The following ITGAM variants were observed in gnomAD, a reference collection of about 807,000 sequenced individuals.
ITGAM encodes the protein integrin alpha-M.
A neutral mutation model predicts 137.5 loss-of-function variants in ITGAM; 79 were observed. That is an observed-to-expected ratio of 0.57 (90% CI 0.48 to 0.69). The LOEUF is 0.69. Ranked by LOEUF, ITGAM falls within the 30% of genes least tolerant of loss-of-function variation. The pLI is 0.00. For synonymous variants in ITGAM, 583 were observed against 592.3 expected (o/e 0.98, Z 0.23); for missense variants, 1,343 against 1,483.5 (o/e 0.91, Z 1.56).
At chr16:31,294,312 T>C (rs570783181) in intron 12 of ITGAM, among the ~76,000 whole-genome samples, 6 of 152,288 alleles carry the variant, frequency 3.9e-5, no homozygotes, top group African/African-American at 1.4e-4. Flanking sequence ...ATCCTTGTTT[T>C]GTGCTGGCTT....
chr16:31,328,589 A>ATG (rs201844815), intron 23 of ITGAM, among the ~76,000 whole-genome samples: 1,931 of 133,068 alleles, frequency 0.015, 40 homozygotes, highest in African/African-American at 0.052. Context: ...GTATTTGTGC[A>ATG]TGTGTGTGTG....
At chr16:31,326,009 T>C (rs1597039712) in intron 21 of ITGAM, among the ~76,000 whole-genome samples, 1 of 151,996 alleles carries the variant, frequency 6.6e-6, no homozygotes, top group East Asian at 1.9e-4. Context: ...GAGGCTGCAG[T>C]GAGCTATGAT....
chr16:31,267,435 C>T lies in ITGAM; in HGVS notation c.427+1288C>T, dbSNP rs140007953. 3.5e-3 allele frequency among the ~76,000 whole-genome samples: 527 copies of T among 152,146 alleles called. 1 individual carries two copies. The highest frequency in any genetic ancestry group is 0.012 in the African/African-American group (489 of 41,528). On this transcript the variant is annotated intron_variant, in intron 5 of 29. Coordinates refer to ENST00000544665, the MANE Select transcript of ITGAM (RefSeq NM_000632.4). ...CCTTCTCTTATTTTATCTTAATAAG[C>T]GGTTTTCCAGTCTTCACTGGAATTT...
At chr16:31,260,448 A>G (rs1271572099) in intron 1 of ITGAM, among the ~76,000 whole-genome samples, 1 of 152,102 alleles carries the variant, frequency 6.6e-6, no homozygotes, top group African/African-American at 2.4e-5. Flanking sequence ...CACCATCTCC[A>G]CTTTGCCTCC....
chr16:31,263,802 A>AATTTATTTATTT (rs61363590), intron 2 of ITGAM, among the ~76,000 whole-genome samples: 43 of 129,784 alleles, frequency 3.3e-4, no homozygotes, highest in African/African-American at 1.1e-3. Context: ...CACATACAAA[A>AATTTATTTATTT]ATTTATTTAT....
chr16:31,278,316 G>C (rs948094308), intron 12 of ITGAM, among the ~76,000 whole-genome samples: 5 of 152,168 alleles, frequency 3.3e-5, no homozygotes, highest in African/African-American at 1.2e-4. Flanking sequence ...ATGCTTGCCT[G>C]TACAGAGCTC....
intron 14 of ITGAM, among the ~76,000 whole-genome samples, chr16:31,308,195 A>G (rs1428056922): frequency 1.3e-5 from 2 of 152,030 alleles, no homozygotes; most frequent in African/African-American, 2.4e-5. Context: ...CTCTTTTTCT[A>G]TTGATTGGAA....
chr16:31,305,687 T>TATC (rs2080257851), intron 14 of ITGAM, among the ~76,000 whole-genome samples: 1 of 152,220 alleles, frequency 6.6e-6, no homozygotes, highest in Non-Finnish European at 1.5e-5. Flanking sequence ...TGCTGGATTT[T>TATC]ATCAAATGCT....
At chr16:31,326,832 T>C (rs2080512818) in intron 21 of ITGAM, 24 bp from the exon 22 acceptor site, 2 of 1,522,998 alleles carry the variant, frequency 1.3e-6, no homozygotes, top group East Asian at 4.5e-5. Context: ...TTTCTGTCAT[T>C]GTCTCTCCTT....
chr16:31,331,744 G>A lies in ITGAM; in HGVS notation c.*37G>A. 1.3e-6 allele frequency: 2 copies of A among 1,504,040 alleles called. No individual in the cohort carries two copies. The highest frequency in any genetic ancestry group is 1.8e-6 in the Non-Finnish European group (2 of 1,104,058). The allele number at this position is 1,504,040 out of a possible 1,614,324, so 93.2% of individuals were successfully genotyped here. ...CGACAGAGCTGCCTCTCGGTGGCCA[G>A]CAGGACTCTGCCCAGACCACACGTA... On this transcript the variant is annotated 3_prime_UTR_variant, in exon 30 of 30. Coordinates refer to ENST00000544665, the MANE Select transcript of ITGAM (RefSeq NM_000632.4).
At chr16:31,302,363 A>G (rs1325840506) in intron 14 of ITGAM, among the ~76,000 whole-genome samples, 1 of 151,126 alleles carries the variant, frequency 6.6e-6, no homozygotes, top group Non-Finnish European at 1.5e-5. Context: ...AAGGAAGAAC[A>G]ATCTTTTTTT....
At chr16:31,285,648 A>G (rs1162246045) in intron 12 of ITGAM, among the ~76,000 whole-genome samples, 1 of 152,088 alleles carries the variant, frequency 6.6e-6, no homozygotes. Flanking sequence ...ATTAAAAAAA[A>G]AATTTCAAGT....
chr16:31,328,259 C>T, intron 23 of ITGAM, 29 bp downstream of exon 23: 2 of 1,557,576 alleles, frequency 1.3e-6, no homozygotes, highest in Non-Finnish European at 1.8e-6. Flanking sequence ...TTAGCTGAGC[C>T]TCCACTTCTG....
At chr16:31,288,717 A>G (rs1191943269) in intron 12 of ITGAM, among the ~76,000 whole-genome samples, 2 of 152,208 alleles carry the variant, frequency 1.3e-5, no homozygotes, top group Non-Finnish European at 2.9e-5. Flanking sequence ...TCATGTCTAA[A>G]ACACCAAAAG....
At chr16:31,268,205 T>G (rs1206293511) in intron 5 of ITGAM, among the ~76,000 whole-genome samples, 2 of 152,184 alleles carry the variant, frequency 1.3e-5, no homozygotes, top group African/African-American at 4.8e-5. Flanking sequence ...CACTGGGTTC[T>G]GGGTTCTCTT....
chr16:31,313,478 G>A (rs775667238), intron 14 of ITGAM, among the ~76,000 whole-genome samples: 2 of 152,026 alleles, frequency 1.3e-5, no homozygotes, highest in Non-Finnish European at 2.9e-5. Context: ...AGTATGTGGT[G>A]TTTGCTTTCC....
intron 3 of ITGAM, 82 bp from the exon 4 acceptor site, chr16:31,265,729 A>G (rs1053018362): frequency 8.3e-7 from 1 of 1,211,546 alleles, no homozygotes; most frequent in East Asian, 2.3e-5. Context: ...TGTCTCCCGC[A>G]TGGAGGTGAC....
intron 14 of ITGAM, among the ~76,000 whole-genome samples, chr16:31,317,682 T>C (rs2080406451): frequency 6.6e-6 from 1 of 152,222 alleles, no homozygotes; most frequent in Non-Finnish European, 1.5e-5. Flanking sequence ...ATCATGTTAT[T>C]TTTATTCCTT....
intron 12 of ITGAM, among the ~76,000 whole-genome samples, chr16:31,296,413 G>A (rs576264632): frequency 6.6e-6 from 1 of 151,762 alleles, no homozygotes. Context: ...GCATCTGGCC[G>A]GTTATATGAC....
Sources: allele counts gnomAD v4.1 joint callset (sites outside exome capture counted in the v4.1 genomes callset), GRCh38; gene constraint gnomAD v4.1.1; transcripts MANE v1.5; gene names NCBI Gene and HGNC (gene_info 2026-07-23, HGNC 2026-07-21).